Variants in ATAD3B observed in about 807,000 individuals in gnomAD.
ATAD3B encodes the protein ATPase family AAA domain-containing protein 3B.
In ATAD3B, 59 loss-of-function variants were observed where a neutral mutation model predicts 70.2. That is an observed-to-expected ratio of 0.84 (90% CI 0.68 to 1.04). The LOEUF (loss-of-function observed/expected upper bound fraction) is 1.04. Among genes scored for constraint, ATAD3B ranks in the 50% least tolerant of loss-of-function variants. ATAD3B has a pLI of 0.00. For synonymous variants in ATAD3B, 423 were observed against 388.6 expected (o/e 1.09, Z -1.04); for missense variants, 961 against 913.4 (o/e 1.05, Z -0.67).
intron 8 of ATAD3B, 153 bp from the exon 9 acceptor site, chr1:1,485,629 C>G: frequency 1.6e-6 from 2 of 1,289,258 alleles, no homozygotes; most frequent in Middle Eastern, 2.6e-4. Flanking sequence ...GCCTCCTGGT[C>G]TCCCGGCGGG....
chr1:1,477,515 G>A (rs1639653593), intron 2 of ATAD3B, among the ~76,000 whole-genome samples, 165 bp downstream of exon 2: 2 of 151,822 alleles, frequency 1.3e-5, no homozygotes, highest in Non-Finnish European at 2.9e-5. Context: ...AACAAGGGGA[G>A]GTGAGAGACG....
At chr1:1,501,695 T>A (rs1640948692), downstream of ATAD3B, among the ~76,000 whole-genome samples, 1 of 152,038 alleles carries the variant, frequency 6.6e-6, no homozygotes, top group Non-Finnish European at 1.5e-5. Flanking sequence ...CTGGCCTCTA[T>A]TTCCACAAGA....
downstream of ATAD3B, among the ~76,000 whole-genome samples, chr1:1,499,777 A>G (rs571742121): frequency 5.4e-5 from 8 of 148,918 alleles, no homozygotes; most frequent in South Asian, 1.7e-3. Flanking sequence ...TATTTTTAGT[A>G]GAGATGGGGT....
downstream of ATAD3B, among the ~76,000 whole-genome samples, chr1:1,498,922 G>A (rs1329484233): frequency 6.6e-6 from 1 of 151,690 alleles, no homozygotes; most frequent in African/African-American, 2.4e-5. Flanking sequence ...GAGGGGAAGG[G>A]GTTCTTATTC....
chr1:1,485,305 G>T (rs2100568139), intron 8 of ATAD3B, 134 bp downstream of exon 8: 3 of 1,442,188 alleles, frequency 2.1e-6, no homozygotes, highest in Non-Finnish European at 2.8e-6. Context: ...CTGCTTCACG[G>T]GTGGGTTTTC....
In ATAD3B at chr1:1,482,214, C is replaced by T. The variant is rs1216419740; in HGVS notation, c.591C>T (p.Ala197=). Residue 197 remains alanine (A), a synonymous_variant, in exon 6 of 16, where the codon GCC becomes GCT. Transcript: ENST00000673477. ...TGGAGACCGAGGCCCGGGCGCGCGC[C>T]AAGGCCGAGCGGGAGAATGCAGACA... ...LRVETEARAR[A]KAERENADII... is the part of the protein sequence containing the mutation. 15 of 1,611,158 alleles carry T rather than the reference C, an allele frequency of 9.3e-6. No individual in the cohort carries two copies. The highest frequency in any genetic ancestry group is 1.3e-5 in the Non-Finnish European group (15 of 1,179,306).
intron 15 of ATAD3B, among the ~76,000 whole-genome samples, chr1:1,491,426 G>A (rs1018727220): frequency 3.9e-5 from 6 of 152,052 alleles, no homozygotes; most frequent in African/African-American, 1.4e-4. Flanking sequence ...AGCCACACGG[G>A]AGGCTGAGGC....
chr1:1,490,014 G>GGAA (rs1640446462), intron 13 of ATAD3B: 1 of 1,365,328 alleles, frequency 7.3e-7, no homozygotes, highest in Non-Finnish European at 9.5e-7. Flanking sequence ...GGGTCAGCGG[G>GGAA]GAAGTACCAC....
chr1:1,485,963 T>C, intron 9 of ATAD3B, 125 bp downstream of exon 9: 1 of 1,594,608 alleles, frequency 6.3e-7, no homozygotes, highest in South Asian at 1.1e-5. Context: ...TGCAACTGCT[T>C]GGACTGTGCC....
chr1:1,487,636 C>T lies in ATAD3B; in HGVS notation c.1215-227C>T, dbSNP rs544591091. 5.6e-4 allele frequency among the ~76,000 whole-genome samples: 85 copies of T among 151,910 alleles called. 1 individual carries two copies. Among genetic ancestry groups the T allele is most frequent in the Non-Finnish European group, 9.9e-4 (67 of 67,940 alleles). On this transcript the variant is annotated intron_variant, in intron 11 of 15. Coordinates refer to ENST00000673477, the MANE Select transcript of ATAD3B (RefSeq NM_031921.6). ...AAACCTGCAGGGCAGAGTCTGTTGC[C>T]CCCTGTGTAGTTGGTTTCCCACTGC...
the ATAD3B span, among the ~76,000 whole-genome samples, chr1:1,508,547 C>T: frequency 6.6e-6 from 1 of 151,458 alleles, no homozygotes; most frequent in East Asian, 1.9e-4. Flanking sequence ...TCCCCACACC[C>T]TGACCCTGAC....
intron 9 of ATAD3B, 131 bp downstream of exon 9, chr1:1,485,969 G>A: frequency 3.1e-6 from 5 of 1,591,898 alleles, no homozygotes; most frequent in African/African-American, 1.3e-5. Context: ...TGCTTGGACT[G>A]TGCCGGGGAT....
At chr1:1,483,034 C>T (rs779275156) in intron 7 of ATAD3B, 4 of 456,408 alleles carry the variant, frequency 8.8e-6, no homozygotes, top group South Asian at 6.2e-5. Flanking sequence ...GTGGCTCAGG[C>T]CTGTAATCCC....
chr1:1,481,895 C>G (rs1557800050), intron 5 of ATAD3B, among the ~76,000 whole-genome samples: 1 of 152,210 alleles, frequency 6.6e-6, no homozygotes, highest in South Asian at 2.1e-4. Context: ...ATGGCCTTAG[C>G]CTGTTGGTGG....
At chr1:1,489,586 T>A in intron 13 of ATAD3B, 1 of 1,146,590 alleles carries the variant, frequency 8.7e-7, no homozygotes. Context: ...GTCTGATTGC[T>A]GCCGCCCAGA....
chr1:1,508,532 G>A, the ATAD3B span, among the ~76,000 whole-genome samples: 1 of 151,386 alleles, frequency 6.6e-6, no homozygotes, highest in Non-Finnish European at 1.5e-5. Flanking sequence ...GGCGCCCAGT[G>A]GGGGTCCCCA....
At chr1:1,503,492 G>A in the ATAD3B span, 19 of 1,303,546 alleles carry the variant, frequency 1.5e-5, no homozygotes, top group Admixed American at 4.0e-5. Flanking sequence ...AGGCGTGGCC[G>A]TGGATTCCAG....
intron 7 of ATAD3B, 170 bp downstream of exon 7, chr1:1,482,784 C>G: frequency 1.8e-6 from 2 of 1,113,202 alleles, no homozygotes; most frequent in Non-Finnish European, 2.6e-6. Context: ...CCTCCTTGAG[C>G]TGGGAGAAAA....
intron 8 of ATAD3B, 123 bp downstream of exon 8, chr1:1,485,294 G>C: frequency 2.0e-6 from 3 of 1,465,392 alleles, no homozygotes; most frequent in Admixed American, 2.3e-5. Flanking sequence ...GCACCCGCAC[G>C]CTGCTTCACG....
Sources: gnomAD v4.1 joint callset for allele counts (sites outside exome capture counted in the v4.1 genomes callset) on GRCh38, gnomAD v4.1.1 for gene constraint, MANE v1.5 for transcripts, NCBI Gene and HGNC (gene_info 2026-07-23, HGNC 2026-07-21) for gene names.